Variants in ARFGEF3 observed in about 807,000 individuals in gnomAD.
ARFGEF3 encodes the protein brefeldin A-inhibited guanine nucleotide-exchange protein 3.
A neutral mutation model predicts 221.7 loss-of-function variants in ARFGEF3; 96 were observed. That is an observed-to-expected ratio of 0.43 (90% CI 0.37 to 0.51). ARFGEF3 has a LOEUF of 0.51. Among genes scored for constraint, ARFGEF3 ranks in the 20% least tolerant of loss-of-function variants. The pLI, the probability that ARFGEF3 is intolerant of heterozygous loss-of-function variation, is 0.00. For synonymous variants in ARFGEF3, 1,145 were observed against 1,126.8 expected (o/e 1.02, Z -0.32); for missense variants, 2,410 against 2,789.9 (o/e 0.86, Z 3.07).
chr6:138,206,851 G>A (rs1177987781), intron 2 of ARFGEF3, among the ~76,000 whole-genome samples, 191 bp from the exon 3 acceptor site: 2 of 152,202 alleles, frequency 1.3e-5, no homozygotes, highest in African/African-American at 4.8e-5. Context: ...AAGGCAAGGG[G>A]TTGATGGGCT....
rs1778421903 is a variant in ARFGEF3, at chr6:138,242,998, T to C, written c.586+4T>C. 4.3e-6 allele frequency: 7 copies of C among 1,610,046 alleles called. No homozygotes were observed. In the East Asian group the frequency reaches 6.7e-5, roughly 15 times the overall value. ...CCACAGGATTTCGGGAATCAAGGTA[T>C]GGCATTTGATTTGTACTAGTTCAGT... On this transcript the variant is annotated splice_donor_region_variant and intron_variant, in intron 7 of 33. Coordinates refer to ENST00000251691, the MANE Select transcript of ARFGEF3 (RefSeq NM_020340.5).
At chr6:138,199,902 C>G (rs1239116373) in intron 2 of ARFGEF3, among the ~76,000 whole-genome samples, 2 of 152,152 alleles carry the variant, frequency 1.3e-5, no homozygotes, top group African/African-American at 2.4e-5. Flanking sequence ...GCTAGGATTT[C>G]CAGTACTATG....
chr6:138,318,489 C>T (rs1014959325), intron 27 of ARFGEF3, among the ~76,000 whole-genome samples: 6 of 151,992 alleles, frequency 3.9e-5, no homozygotes, highest in East Asian at 1.9e-4. Context: ...ATTCTGCAGG[C>T]GTTAAAATTA....
chr6:138,219,258 G>A (rs1777934203), intron 4 of ARFGEF3, among the ~76,000 whole-genome samples: 1 of 152,056 alleles, frequency 6.6e-6, no homozygotes. Flanking sequence ...GGCATTCTTG[G>A]TAGAGAAAAA....
At chr6:138,296,120 C>T (rs779493311) in intron 20 of ARFGEF3, among the ~76,000 whole-genome samples, 2 of 152,058 alleles carry the variant, frequency 1.3e-5, no homozygotes, top group African/African-American at 2.4e-5. Context: ...AAGAGAGCCC[C>T]GCCCTCTTGG....
At position 138,263,306 on chromosome 6, in the gene ARFGEF3, T is replaced by C. The variant is rs541658422; in HGVS notation, c.1823T>C (p.Phe608Ser). The change falls in exon 12 of 34, where the codon TTT (phenylalanine) becomes TCT (serine). Residue 608 changes from phenylalanine to serine, a missense_variant. Transcript: ENST00000251691. ...VDDQDLSRTE[F>S]DSCDQYSMAA... is the part of the protein sequence containing the mutation. ...GACCAAGACCTTTCTAGGACAGAGT[T>C]TGATTCCTGTGATCAGTACTCTATG... 5 of 1,614,034 alleles carry C rather than the reference T, an allele frequency of 3.1e-6. No individual in the cohort carries two copies. Among genetic ancestry groups the C allele is most frequent in the Non-Finnish European group, 4.2e-6 (5 of 1,179,902 alleles).
chr6:138,318,646 G>A (rs1277439890), intron 27 of ARFGEF3, among the ~76,000 whole-genome samples: 1 of 151,996 alleles, frequency 6.6e-6, no homozygotes. Context: ...GTCCTAAAAG[G>A]AAATACATCA....
intron 7 of ARFGEF3, 77 bp from the exon 8 acceptor site, chr6:138,245,436 G>A (rs1778467433): frequency 4.1e-6 from 4 of 966,292 alleles, no homozygotes; most frequent in Admixed American, 2.0e-5. Context: ...CTAAAGTGGA[G>A]GATGGGAAGG....
chr6:138,175,894 C>G (rs911783966), intron 2 of ARFGEF3, among the ~76,000 whole-genome samples: 1 of 152,018 alleles, frequency 6.6e-6, no homozygotes, highest in Non-Finnish European at 1.5e-5. Flanking sequence ...TCTTTAGGTC[C>G]AGTAATATTT....
At position 138,340,336 on chromosome 6, in the gene ARFGEF3, T is replaced by A. The variant is rs1213382294; in HGVS notation, c.*3850T>A. The A allele has an allele frequency of 1.3e-5, 2 of 152,252 alleles. No individual in the cohort carries two copies. The highest frequency in any genetic ancestry group is 2.4e-5 in the African/African-American group (1 of 41,474). 9.4% of individuals were successfully genotyped at this position (152,252 alleles called of 1,614,324 possible). On this transcript the variant is annotated 3_prime_UTR_variant, in exon 34 of 34. Transcript: ENST00000251691. Reference sequence around the variant, plus strand: ...ATGATCATTAGGCTTTTTGTCCTTGTTGTTTTAAAATGAGGCTTATACAGA... The same window carrying A: ...ATGATCATTAGGCTTTTTGTCCTTGATGTTTTAAAATGAGGCTTATACAGA...
intron 2 of ARFGEF3, among the ~76,000 whole-genome samples, chr6:138,184,222 T>C (rs528294054): frequency 1.3e-5 from 2 of 152,332 alleles, no homozygotes; most frequent in East Asian, 3.9e-4. Flanking sequence ...ATGATATAAT[T>C]TTAATGAAAA....
At chr6:138,251,244 T>G (rs1778576815) in intron 8 of ARFGEF3, among the ~76,000 whole-genome samples, 1 of 152,218 alleles carries the variant, frequency 6.6e-6, no homozygotes, top group African/African-American at 2.4e-5. Flanking sequence ...TTCCAATGAT[T>G]TCAGAAATTG....
chr6:138,283,283 T>A (rs1211998949), intron 14 of ARFGEF3, among the ~76,000 whole-genome samples: 1 of 152,210 alleles, frequency 6.6e-6, no homozygotes, highest in Non-Finnish European at 1.5e-5. Context: ...GTGACTCTCT[T>A]GCCCGGACCT....
intron 2 of ARFGEF3, among the ~76,000 whole-genome samples, chr6:138,194,522 G>A (rs1554249026): frequency 6.6e-6 from 1 of 152,182 alleles, no homozygotes; most frequent in Non-Finnish European, 1.5e-5. Context: ...GCAGGGCAGA[G>A]CAATTTCCAT....
intron 2 of ARFGEF3, among the ~76,000 whole-genome samples, chr6:138,196,011 A>C (rs200230720): frequency 4.8e-5 from 7 of 146,972 alleles, no homozygotes; most frequent in Non-Finnish European, 1.0e-4. Context: ...AAAAAAAAAG[A>C]AAAGAAAAAA....
At chr6:138,336,193 AAGCCTGG>A in intron 33 of ARFGEF3, 95 bp from the exon 34 acceptor site, 1 of 845,484 alleles carries the variant, frequency 1.2e-6, no homozygotes, top group Non-Finnish European at 1.8e-6. Flanking sequence ...ATTGCAACTA[AAGCCTGG>A]AAAAAAACCA....
rs754653328 is a variant in ARFGEF3 at position 138,245,558 on chromosome 6, C to T, written c.632C>T (p.Thr211Ile). 1.7e-5 allele frequency: 27 copies of T among 1,610,300 alleles called. No individual in the cohort carries two copies. The highest frequency in any genetic ancestry group is 2.1e-5 in the Non-Finnish European group (25 of 1,178,546). ...SLCDDVVSVLTVLCEKLQAAI... is the reference protein window; with the variant it reads ...SLCDDVVSVLIVLCEKLQAAI... ...TGTGATGATGTTGTCTCTGTACTCA[C>T]CGTCCTGTGTGAGAAGCTGCAAGCC... The change falls in exon 8 of 34, where the codon ACC becomes ATC. Residue 211 changes from threonine (T) to isoleucine (I), a missense_variant. Around this residue, in one of 5 missense-constraint regions of ARFGEF3, gnomAD observed 570 missense variants for 586.9 expected, o/e 0.97. Coordinates refer to ENST00000251691, the MANE Select transcript of ARFGEF3 (RefSeq NM_020340.5).
chr6:138,311,369 G>T (rs2272890), intron 24 of ARFGEF3, 38 bp from the exon 25 acceptor site: 221,094 of 1,379,626 alleles, frequency 0.16, 21,174 homozygotes, highest in East Asian at 0.51. Context: ...GCACGCAAGG[G>T]TAACACTGTT....
chr6:138,168,698 A>C lies in ARFGEF3; in HGVS notation c.86-1964A>C, dbSNP rs6906066. On this transcript the variant is annotated intron_variant, in intron 1 of 33. Coordinates refer to ENST00000251691, the MANE Select transcript of ARFGEF3 (RefSeq NM_020340.5). ...GATGTTGAGATTCTCCAAGCATTTC[A>C]AACTTATTATTCCCTCCACTCGGAG... 1.5e-3 allele frequency among the ~76,000 whole-genome samples: 231 copies of C among 152,334 alleles called. 1 individual carries two copies. Among genetic ancestry groups the C allele is most frequent in the African/African-American group, 5.0e-3 (208 of 41,580 alleles).
Sources: gnomAD v4.1 joint callset for allele counts (sites outside exome capture counted in the v4.1 genomes callset) on GRCh38, gnomAD v4.1.1 for gene constraint, gnomAD v4.1.1 regional missense constraint, MANE v1.5 for transcripts, NCBI Gene and HGNC (gene_info 2026-07-23, HGNC 2026-07-21) for gene names.